MACROD2: variants seen among roughly 807,000 people sequenced by gnomAD.
MACROD2 encodes the protein mono-ADP ribosylhydrolase 2.
Under a neutral mutation model 70.4 loss-of-function variants are expected in MACROD2, and 36 were observed. That is an observed-to-expected ratio of 0.51 (90% CI 0.39 to 0.68). The LOEUF (loss-of-function observed/expected upper bound fraction) is 0.68, where lower values mean the gene tolerates loss of function less well. Among genes scored for constraint, MACROD2 ranks in the 30% least tolerant of loss-of-function variants. The pLI is 0.00. For synonymous variants in MACROD2, 172 were observed against 178.8 expected (o/e 0.96, Z 0.30); for missense variants, 496 against 538.4 (o/e 0.92, Z 0.78).
chr20:14,591,172 A>C (rs557834796), intron 4 of MACROD2, among the ~76,000 whole-genome samples: 38 of 152,234 alleles, frequency 2.5e-4, no homozygotes, highest in Admixed American at 1.1e-3. Context: ...ATTAGAGGAA[A>C]ATTTTTTGGG....
At chr20:15,181,673 G>A (rs1601187327) in intron 5 of MACROD2, among the ~76,000 whole-genome samples, 1 of 152,068 alleles carries the variant, frequency 6.6e-6, no homozygotes, top group Middle Eastern at 3.4e-3. Context: ...TACTATAGAT[G>A]GTGTTCCTTA....
intron 5 of MACROD2, among the ~76,000 whole-genome samples, chr20:14,687,896 A>C (rs1177046347): frequency 6.6e-6 from 1 of 152,234 alleles, no homozygotes. Context: ...AATAGCTTAC[A>C]TTTTTATGCC....
At chr20:14,911,039 AC>A (rs1281148813) in intron 5 of MACROD2, among the ~76,000 whole-genome samples, 1 of 152,200 alleles carries the variant, frequency 6.6e-6, no homozygotes, top group African/African-American at 2.4e-5. Context: ...TTATTTAGGA[AC>A]AAAAAAGCAT....
chr20:15,857,301 A>G (rs1050676106), intron 8 of MACROD2, among the ~76,000 whole-genome samples: 3 of 152,184 alleles, frequency 2.0e-5, no homozygotes, highest in African/African-American at 7.2e-5. Context: ...TAAAAGAGGA[A>G]GTAGGAAAGC....
At chr20:15,620,726 G>A (rs1404821860) in intron 8 of MACROD2, among the ~76,000 whole-genome samples, 1 of 152,118 alleles carries the variant, frequency 6.6e-6, no homozygotes, top group African/African-American at 2.4e-5. Context: ...AGGTTCCCCT[G>A]TCATCACCCA....
At chr20:14,718,560 A>G (rs1033558269) in intron 5 of MACROD2, among the ~76,000 whole-genome samples, 1 of 152,096 alleles carries the variant, frequency 6.6e-6, no homozygotes. Flanking sequence ...AAAGGAGCCA[A>G]GTATCCAACC....
chr20:14,466,447 C>G (rs2084450798), intron 3 of MACROD2, among the ~76,000 whole-genome samples: 1 of 151,840 alleles, frequency 6.6e-6, no homozygotes, highest in South Asian at 2.1e-4. Context: ...AATTTTTTTT[C>G]AAAGTTTTTA....
chr20:15,772,773 C>T (rs1240275764), intron 8 of MACROD2, among the ~76,000 whole-genome samples: 1 of 152,080 alleles, frequency 6.6e-6, no homozygotes, highest in East Asian at 1.9e-4. Flanking sequence ...ACCAAAATCT[C>T]AGAAATCGCC....
intron 5 of MACROD2, among the ~76,000 whole-genome samples, chr20:15,214,792 G>A (rs1159081139): frequency 6.6e-6 from 1 of 152,152 alleles, no homozygotes; most frequent in Admixed American, 6.5e-5. Context: ...GAGGAGATAA[G>A]CAGTAAGACT....
intron 8 of MACROD2, among the ~76,000 whole-genome samples, chr20:15,544,250 T>C (rs548155607): frequency 1.6e-4 from 24 of 152,182 alleles, no homozygotes; most frequent in Non-Finnish European, 2.9e-4. Flanking sequence ...GGCTATGGCG[T>C]TAATAATAAT....
At chr20:15,863,477 C>A (rs79392183) in intron 9 of MACROD2, among the ~76,000 whole-genome samples, 2,210 of 152,330 alleles carry the variant, frequency 0.015, 60 homozygotes, top group African/African-American at 0.051. Context: ...CACTCTCCCT[C>A]TTCCAGCCTA....
At chr20:14,279,746 A>ATCC (rs2082290586) in intron 3 of MACROD2, among the ~76,000 whole-genome samples, 3 of 152,132 alleles carry the variant, frequency 2.0e-5, no homozygotes, top group African/African-American at 7.2e-5. Flanking sequence ...TAATACACAA[A>ATCC]ATTTACATCC....
At chr20:15,297,688 A>G (rs2077603632) in intron 6 of MACROD2, among the ~76,000 whole-genome samples, 1 of 152,286 alleles carries the variant, frequency 6.6e-6, no homozygotes, top group East Asian at 1.9e-4. Context: ...ATAAGAGAAC[A>G]ATTTCCTACT....
At chr20:14,609,435 T>C (rs1027984906) in intron 4 of MACROD2, among the ~76,000 whole-genome samples, 1 of 152,104 alleles carries the variant, frequency 6.6e-6, no homozygotes, top group Non-Finnish European at 1.5e-5. Context: ...GCCAGTTTGA[T>C]GTGTGTTTGG....
chr20:15,410,171 A>G (rs938772301), intron 6 of MACROD2, among the ~76,000 whole-genome samples: 7 of 152,190 alleles, frequency 4.6e-5, no homozygotes, highest in Admixed American at 3.3e-4. Context: ...CCAAACTTAC[A>G]TGGATAAATG....
At chr20:15,300,927 C>T (rs1191039421) in intron 6 of MACROD2, among the ~76,000 whole-genome samples, 2 of 152,172 alleles carry the variant, frequency 1.3e-5, no homozygotes, top group African/African-American at 2.4e-5. Context: ...TGATTTCCCC[C>T]GTCTCAGCTA....
At chr20:15,231,267 A>G (rs534786859) in intron 6 of MACROD2, among the ~76,000 whole-genome samples, 2 of 152,190 alleles carry the variant, frequency 1.3e-5, no homozygotes, top group East Asian at 1.9e-4. Flanking sequence ...GGCTCAATAC[A>G]TAAGATCCTA....
chr20:14,979,068 C>T (rs1600901840), intron 5 of MACROD2, among the ~76,000 whole-genome samples: 1 of 150,554 alleles, frequency 6.6e-6, no homozygotes, highest in South Asian at 2.1e-4. Context: ...CCTTCGGCAT[C>T]AGCCTCCTGA....
chr20:15,516,597 T>G (rs2146521930), intron 8 of MACROD2, among the ~76,000 whole-genome samples: 1 of 152,186 alleles, frequency 6.6e-6, no homozygotes, highest in African/African-American at 2.4e-5. Context: ...GCGTTCTGGT[T>G]TGAACAGAAG....
Sources: gnomAD v4.1 joint callset for allele counts (sites outside exome capture counted in the v4.1 genomes callset) on GRCh38, gnomAD v4.1.1 for gene constraint, MANE v1.5 for transcripts, NCBI Gene and HGNC (gene_info 2026-07-23, HGNC 2026-07-21) for gene names.